The following ITPKB variants were observed in gnomAD, a reference collection of about 807,000 sequenced individuals.
ITPKB encodes the protein inositol-trisphosphate 3-kinase B.
A neutral mutation model predicts 69.4 loss-of-function variants in ITPKB; 13 were observed. The ratio of observed to expected loss-of-function variants is 0.19; its 90% CI spans 0.12 to 0.30. ITPKB has a LOEUF of 0.30. ITPKB is among the 10% of genes least tolerant of loss of function. ITPKB has a pLI of 1.00. For missense variants in ITPKB, 1,240 were observed against 1,250.5 expected (o/e 0.99, Z 0.13); for synonymous variants, 584 against 513.7 (o/e 1.14, Z -1.85).
In ITPKB at chr1:226,716,194, T is replaced by C. The variant is rs1158728841; in HGVS notation, c.1932+19333A>G. Among the ~76,000 whole-genome samples, 3 of 152,196 alleles carry C rather than the reference T, an allele frequency of 2.0e-5. No homozygotes were observed. The East Asian group carries it at 5.8e-4, about 29-fold the overall frequency. ...AGACGACTTAAAGTAGTGTGGTTGATGTGGAAAATACTAAGAAATCCCAAG... is the reference window on the plus strand; with the variant it reads ...AGACGACTTAAAGTAGTGTGGTTGACGTGGAAAATACTAAGAAATCCCAAG... On this transcript the variant is annotated intron_variant, in intron 2 of 7. Transcript: ENST00000429204.
At chr1:226,716,476 A>T (rs920488381) in intron 2 of ITPKB, among the ~76,000 whole-genome samples, 4 of 152,160 alleles carry the variant, frequency 2.6e-5, no homozygotes, top group Admixed American at 1.3e-4. Flanking sequence ...ACATAGGTAA[A>T]CAAGTGCCAT....
chr1:226,696,663 C>T (rs1656495833), intron 2 of ITPKB, among the ~76,000 whole-genome samples: 1 of 152,174 alleles, frequency 6.6e-6, no homozygotes, highest in African/African-American at 2.4e-5. Context: ...CCATAGAACT[C>T]ACAGCTAGCA....
Position 226,641,621 on chromosome 1 carries a change from G to A in ITPKB, c.2451+300C>T, listed in dbSNP as rs1369512681. On this transcript the variant is annotated intron_variant, in intron 5 of 7. Coordinates refer to ENST00000429204, the MANE Select transcript of ITPKB (RefSeq NM_002221.4). This position sits in a 1 kb window ranked among gnomAD's most constrained non-coding sequence, Gnocchi z 4.6. Reference sequence around the variant, plus strand: ...CAGCTACCCCACAGGCATCCCGCAGGTGCCTCTCGCCTGGCTTTCGGTGCC... The same window carrying A: ...CAGCTACCCCACAGGCATCCCGCAGATGCCTCTCGCCTGGCTTTCGGTGCC... Among the ~76,000 whole-genome samples the A allele has an allele frequency of 6.6e-6, 1 of 152,226 alleles. No homozygotes were observed. The highest frequency in any genetic ancestry group is 1.5e-5 in the Non-Finnish European group (1 of 68,044).
chr1:226,736,307 A>G lies in ITPKB; in HGVS notation c.1152T>C (p.Ser384=). The change falls in exon 2 of 8, where the codon TCT becomes TCC. Residue 384 remains serine (S), a synonymous_variant. Coordinates refer to ENST00000429204, the MANE Select transcript of ITPKB (RefSeq NM_002221.4). The part of the protein sequence containing the change: ...KGYLPCGMPG[S]GEPEVGKRPE... ...GCCTTTTGCCCACTTCAGGCTCCCC[A>G]GAGCCCGGCATGCCACAGGGCAGAT... 2.5e-6 allele frequency: 4 copies of G among 1,609,346 alleles called. No homozygotes were observed. The highest frequency in any genetic ancestry group is 3.4e-6 in the Non-Finnish European group (4 of 1,178,232).
At chr1:226,718,997 CGGCACGAT>C (rs1657163756) in intron 2 of ITPKB, among the ~76,000 whole-genome samples, 1 of 152,094 alleles carries the variant, frequency 6.6e-6, no homozygotes, top group Admixed American at 6.6e-5. Flanking sequence ...AATCGGGGGC[CGGCACGAT>C]GGCTCGTGCC....
intron 5 of ITPKB, among the ~76,000 whole-genome samples, chr1:226,640,726 TC>T (rs1342427821): frequency 1.3e-5 from 2 of 151,990 alleles, no homozygotes; most frequent in African/African-American, 4.8e-5. Context: ...GGAATTTGCA[TC>T]CAGTCTCAGA....
chr1:226,717,714 G>A (rs777077832), intron 2 of ITPKB, among the ~76,000 whole-genome samples: 1 of 152,228 alleles, frequency 6.6e-6, no homozygotes, highest in African/African-American at 2.4e-5. Flanking sequence ...GGCAGGGGCC[G>A]CCGTCCGGGC....
At chr1:226,649,439 GT>G (rs1669132927) in intron 2 of ITPKB, among the ~76,000 whole-genome samples, 1 of 137,134 alleles carries the variant, frequency 7.3e-6, no homozygotes, top group Non-Finnish European at 1.6e-5. Flanking sequence ...GTGCGTATGT[GT>G]GCGTGTGTGT....
chr1:226,716,968 T>C (rs1417355614), intron 2 of ITPKB, among the ~76,000 whole-genome samples: 1 of 152,258 alleles, frequency 6.6e-6, no homozygotes, highest in Non-Finnish European at 1.5e-5. Context: ...GCAAATATTA[T>C]ATAGACTTCA....
Position 226,647,164 on chromosome 1 carries a change from C to A in ITPKB, c.2246+3G>T. 6.2e-7 allele frequency: 1 copy of A among 1,613,952 alleles called. No individual in the cohort carries two copies. The highest frequency in any genetic ancestry group is 8.5e-7 in the Non-Finnish European group (1 of 1,179,826). On this transcript the variant is annotated splice_donor_region_variant and intron_variant, in intron 4 of 7. Coordinates refer to ENST00000429204, the MANE Select transcript of ITPKB (RefSeq NM_002221.4). ...CATGTGGGCTGCGAGAAGCCTGGCT[C>A]ACCTGATTCCCATCTTGCAGTCCAT... is the stretch of plus-strand genomic sequence containing the variant.
At chr1:226,655,136 C>A (rs2102751783) in intron 2 of ITPKB, among the ~76,000 whole-genome samples, 1 of 152,152 alleles carries the variant, frequency 6.6e-6, no homozygotes. Context: ...GAAGGAGAGA[C>A]CCAGGTTTAC....
Position 226,641,807 on chromosome 1 carries a change from A to G in ITPKB, c.2451+114T>C, listed in dbSNP as rs1372972393. 2.0e-5 allele frequency: 20 copies of G among 1,005,696 alleles called. No individual in the cohort carries two copies. In the East Asian group the frequency reaches 3.4e-4, roughly 17 times the overall value. 62.3% of individuals were successfully genotyped at this position (1,005,696 alleles called of 1,614,324 possible). On this transcript the variant is annotated intron_variant, in intron 5 of 7. Coordinates refer to ENST00000429204, the MANE Select transcript of ITPKB (RefSeq NM_002221.4). This position sits in a 1 kb window ranked among gnomAD's most constrained non-coding sequence, Gnocchi z 4.6. ...TCTGGCCTTGGGGCGGGCCACCCACATTCTGAGCCTGTGCCTGGAGAAGCT... is the reference window on the plus strand; with the variant it reads ...TCTGGCCTTGGGGCGGGCCACCCACGTTCTGAGCCTGTGCCTGGAGAAGCT...
chr1:226,708,635 C>T (rs1023938681), intron 2 of ITPKB, among the ~76,000 whole-genome samples: 7 of 152,174 alleles, frequency 4.6e-5, no homozygotes, highest in Admixed American at 1.3e-4. Context: ...CTGGCAACCA[C>T]GAGGAAAGAT....
At chr1:226,656,927 T>C (rs1248436905) in intron 2 of ITPKB, 1 of 152,276 alleles carries the variant, frequency 6.6e-6, no homozygotes, top group Non-Finnish European at 1.5e-5. Flanking sequence ...AGGCTCACTT[T>C]GGTTTTTTGC....
chr1:226,686,623 C>T (rs563906540), intron 2 of ITPKB, among the ~76,000 whole-genome samples: 4 of 152,328 alleles, frequency 2.6e-5, no homozygotes, highest in African/African-American at 7.2e-5. Context: ...CATAACACAA[C>T]GTAAAACTCA....
intron 2 of ITPKB, among the ~76,000 whole-genome samples, chr1:226,704,795 T>C (rs1656761979): frequency 6.6e-6 from 1 of 152,240 alleles, no homozygotes; most frequent in Non-Finnish European, 1.5e-5. Context: ...TGAGAAAACC[T>C]GTGACTACAC....
intron 2 of ITPKB, among the ~76,000 whole-genome samples, chr1:226,701,938 G>T (rs1048030354): frequency 2.6e-5 from 4 of 152,102 alleles, no homozygotes; most frequent in African/African-American, 9.7e-5. Context: ...TCCCTTAACA[G>T]AAAACTCCCT....
At chr1:226,703,677 A>C (rs902631760) in intron 2 of ITPKB, among the ~76,000 whole-genome samples, 1 of 152,232 alleles carries the variant, frequency 6.6e-6, no homozygotes. Context: ...CAGAGGCAGT[A>C]GCGGGGCTTG....
rs1025640617 is a variant in ITPKB at position 226,703,238 on chromosome 1, G to A, written c.1932+32289C>T. 1.1e-4 allele frequency among the ~76,000 whole-genome samples: 17 copies of A among 152,312 alleles called. 1 individual carries two copies. In the East Asian group the frequency reaches 3.3e-3, roughly 29 times the overall value. On this transcript the variant is annotated intron_variant, in intron 2 of 7. Transcript: ENST00000429204. ...AATCCTATCCCCTACGCAGGAGAAA[G>A]ACCGAGTGCTAGCACCCGGGGTGTG...
Sources: allele counts gnomAD v4.1 joint callset (sites outside exome capture counted in the v4.1 genomes callset), GRCh38; gene constraint gnomAD v4.1.1; non-coding constraint Gnocchi (gnomAD v3.1); transcripts MANE v1.5; gene names NCBI Gene and HGNC (gene_info 2026-07-23, HGNC 2026-07-21).